The following LRRIQ3 variants were observed in gnomAD, a reference collection of about 807,000 sequenced individuals.
LRRIQ3 encodes the protein leucine-rich repeat and IQ domain-containing protein 3.
A neutral mutation model predicts 59.3 loss-of-function variants in LRRIQ3; 75 were observed. The ratio of observed to expected loss-of-function variants is 1.26; its 90% CI spans 1.05 to 1.53. The LOEUF (loss-of-function observed/expected upper bound fraction) is 1.53, where lower values mean the gene tolerates loss of function less well. Among genes scored for constraint, LRRIQ3 ranks in the 40% most tolerant of loss-of-function variants. The pLI, the probability that LRRIQ3 is intolerant of heterozygous loss-of-function variation, is 0.00. For synonymous variants in LRRIQ3, 250 were observed against 231.3 expected, an observed-to-expected ratio of 1.08 and a Z score of -0.73; for missense variants, 831 against 710.0, an observed-to-expected ratio of 1.17 and a Z score of -1.94.
rs1287802944 is a variant in LRRIQ3, at chr1:74,076,171, A to G, written c.868-1381T>C. 2.0e-5 allele frequency among the ~76,000 whole-genome samples: 3 copies of G among 152,136 alleles called. No individual in the cohort carries two copies. The East Asian group carries it at 5.8e-4, about 29-fold the overall frequency. On this transcript the variant is annotated intron_variant, in intron 5 of 7. Transcript: ENST00000354431. ...CTTAGATGAGGGTATGTGTTTACAT[A>G]TTAAAAAACTTTCTCGGGATATGAT...
chr1:74,096,658 T>G (rs1317879998), intron 5 of LRRIQ3, among the ~76,000 whole-genome samples: 1 of 152,072 alleles, frequency 6.6e-6, no homozygotes, highest in African/African-American at 2.4e-5. Flanking sequence ...TCTGCTCTGT[T>G]TTTTCCCCAT....
At position 74,041,429 on chromosome 1, in the gene LRRIQ3, T is replaced by C. The variant is rs1466249842; in HGVS notation, c.1502A>G (p.Lys501Arg). The stretch of plus-strand genomic sequence containing the variant: ...GGATTTTTCTTTTAGAAACAGAGCT[T>C]TTCTCTCTCTAGCTTTTTCAAGGTA... ...FNYLEKARERKALFLKEKSQK... is the reference protein window; with the variant it reads ...FNYLEKARERRALFLKEKSQK... Residue 501 changes from lysine to arginine, a missense_variant, in exon 7 of 8, where the codon AAA becomes AGA. Lys to Arg is a conservative substitution (Grantham distance 26). Transcript: ENST00000354431. 6.2e-7 allele frequency: 1 copy of C among 1,613,728 alleles called. No homozygotes were observed. The highest frequency in any genetic ancestry group is 1.7e-5 in the Admixed American group (1 of 59,980).
chr1:74,154,240 C>CAAAAAAAAAAAAAAAAAAAAAAAAA lies in LRRIQ3; in HGVS notation c.707+1468_707+1492dup, dbSNP rs71078186. On this transcript the variant is annotated intron_variant, in intron 4 of 7. Coordinates refer to ENST00000354431, the MANE Select transcript of LRRIQ3 (RefSeq NM_001105659.2). ...TGGGCGACAGAGCGAGACTCCTTCT[C>CAAAAAAAAAAAAAAAAAAAAAAAAA]AAAAAAAAAAAAAAAAAAAAAAAAA... Among the ~76,000 whole-genome samples the CAAAAAAAAAAAAAAAAAAAAAAAAA allele has an allele frequency of 2.4e-4, 14 of 57,278 alleles. 2 individuals carry two copies. The highest frequency in any genetic ancestry group is 3.0e-4 in the Non-Finnish European group (10 of 33,054). The allele number at this position is 57,278 out of a possible 152,430, so 37.6% of individuals were successfully genotyped here.
Position 74,041,248 on chromosome 1 carries a change from A to T in LRRIQ3, c.1683T>A (p.Tyr561Ter), listed in dbSNP as rs770144223. 1.9e-6 allele frequency: 3 copies of T among 1,589,972 alleles called. No individual in the cohort carries two copies. The highest frequency in any genetic ancestry group is 2.6e-6 in the Non-Finnish European group (3 of 1,171,584). The change falls in exon 7 of 8, where the codon TAT becomes TAA. Residue 561 changes from tyrosine to a stop codon, truncating the protein, a stop_gained. Transcript: ENST00000354431. LOFTEE classifies it low-confidence loss of function (END_TRUNC). ...IVKQKLKAEK[Y>*]RKNLLKEMKK... ...TCATTTCTTTAAGTAAATTCTTTCT[A>T]TATTTTTCTGCTTTTAGTTTTTGCT...
chr1:74,177,694 T>C (rs1649730040), intron 3 of LRRIQ3, among the ~76,000 whole-genome samples: 1 of 151,652 alleles, frequency 6.6e-6, no homozygotes, highest in Non-Finnish European at 1.5e-5. Context: ...TTAAGGAACA[T>C]ATATTTTAAT....
intron 5 of LRRIQ3, among the ~76,000 whole-genome samples, chr1:74,099,427 C>T (rs886138211): frequency 1.3e-5 from 2 of 152,014 alleles, no homozygotes; most frequent in Non-Finnish European, 2.9e-5. Flanking sequence ...GCCTACCAAC[C>T]AAAAAATGTC....
At chr1:74,123,702 CATTT>C (rs1296239208) in intron 4 of LRRIQ3, among the ~76,000 whole-genome samples, 5 of 151,850 alleles carry the variant, frequency 3.3e-5, no homozygotes, top group Non-Finnish European at 7.4e-5. Context: ...TTCATTCATT[CATTT>C]GTTGATGGAC....
At chr1:74,077,815 G>A (rs534043107) in intron 5 of LRRIQ3, among the ~76,000 whole-genome samples, 64 of 151,916 alleles carry the variant, frequency 4.2e-4, no homozygotes, top group Non-Finnish European at 8.3e-4. Context: ...TCTGTTATAT[G>A]TAATGCAAGA....
intron 5 of LRRIQ3, among the ~76,000 whole-genome samples, chr1:74,098,332 T>G (rs1281897098): frequency 6.6e-6 from 1 of 152,082 alleles, no homozygotes; most frequent in African/African-American, 2.4e-5. Flanking sequence ...TGTTAAGGGA[T>G]CAATTCAACA....
At chr1:74,111,786 A>G (rs539961757) in intron 4 of LRRIQ3, among the ~76,000 whole-genome samples, 59 of 152,190 alleles carry the variant, frequency 3.9e-4, no homozygotes, top group African/African-American at 1.4e-3. Flanking sequence ...TCAGTATGAC[A>G]GAAGTTCGAC....
intron 5 of LRRIQ3, among the ~76,000 whole-genome samples, chr1:74,076,806 C>T (rs1646215189): frequency 6.6e-6 from 1 of 152,014 alleles, no homozygotes. Context: ...TCATCTGTTC[C>T]TGGAATAAAC....
intron 5 of LRRIQ3, among the ~76,000 whole-genome samples, chr1:74,087,458 A>G (rs760951164): frequency 2.5e-5 from 3 of 121,352 alleles, no homozygotes; most frequent in Non-Finnish European, 4.8e-5. Context: ...TTGGTGTTTA[A>G]TTATATAAAC....
chr1:74,106,378 G>T (rs920243517), intron 5 of LRRIQ3, among the ~76,000 whole-genome samples: 4 of 151,916 alleles, frequency 2.6e-5, no homozygotes, highest in African/African-American at 7.3e-5. Context: ...GGGATGGCGG[G>T]GGGAGGAAGG....
chr1:74,124,919 G>A (rs1646913831), intron 4 of LRRIQ3, among the ~76,000 whole-genome samples: 1 of 151,818 alleles, frequency 6.6e-6, no homozygotes, highest in Non-Finnish European at 1.5e-5. Flanking sequence ...TTTTGGTAGG[G>A]ATTGCATTGA....
intron 3 of LRRIQ3, among the ~76,000 whole-genome samples, chr1:74,170,695 T>C (rs1649271337): frequency 6.6e-6 from 1 of 152,152 alleles, no homozygotes; most frequent in Non-Finnish European, 1.5e-5. Flanking sequence ...TTTAGGATTT[T>C]TTTCCATTTC....
chr1:74,172,631 A>G (rs906474625), intron 3 of LRRIQ3, among the ~76,000 whole-genome samples: 4 of 152,096 alleles, frequency 2.6e-5, no homozygotes, highest in Non-Finnish European at 4.4e-5. Flanking sequence ...TTCCCTATCA[A>G]TTTACTTTCT....
chr1:74,040,256 A>T (rs914666458), intron 7 of LRRIQ3, among the ~76,000 whole-genome samples: 2 of 152,174 alleles, frequency 1.3e-5, no homozygotes, highest in African/African-American at 4.8e-5. Context: ...CTAAATATAT[A>T]CGCACCCAAT....
At chr1:74,053,907 C>CA (rs1654447087) in intron 6 of LRRIQ3, among the ~76,000 whole-genome samples, 1 of 152,100 alleles carries the variant, frequency 6.6e-6, no homozygotes, top group South Asian at 2.1e-4. Context: ...ACCTCTCATT[C>CA]ATTGCTGGTA....
chr1:74,040,252 A>G (rs1654002503), intron 7 of LRRIQ3, among the ~76,000 whole-genome samples: 1 of 152,198 alleles, frequency 6.6e-6, no homozygotes, highest in African/African-American at 2.4e-5. Flanking sequence ...TATCCTAAAT[A>G]TATACGCACC....
Sources: gnomAD v4.1 joint callset for allele counts (sites outside exome capture counted in the v4.1 genomes callset) on GRCh38, gnomAD v4.1.1 for gene constraint, MANE v1.5 for transcripts, NCBI Gene and HGNC (gene_info 2026-07-23, HGNC 2026-07-21) for gene names.